The following CFAP47 variants were observed in gnomAD, a reference collection of about 807,000 sequenced individuals.
CFAP47 encodes cilia and flagella associated protein 47.
CFAP47 carries 29 observed loss-of-function variants against 148.1 expected under a neutral mutation model. The ratio of observed to expected loss-of-function variants is 0.20; its 90% CI spans 0.15 to 0.27. CFAP47 has a LOEUF of 0.27. Ranked by LOEUF, CFAP47 falls within the 10% of genes least tolerant of loss-of-function variation. CFAP47 has a pLI of 1.00. For synonymous variants in CFAP47, 664 were observed against 577.3 expected (o/e 1.15, Z -2.15); for missense variants, 1,872 against 1,697.5 (o/e 1.10, Z -1.81).
At chrX:36,086,099 A>C (rs1409400519) in intron 30 of CFAP47, among the ~76,000 whole-genome samples, 1 of 112,100 alleles carries the variant, frequency 8.9e-6, no homozygotes, top group East Asian at 2.8e-4. Flanking sequence ...AAATTAAAAT[A>C]GTAGGAAGGC....
At chrX:36,299,995 T>C (rs1941282670) in intron 52 of CFAP47, among the ~76,000 whole-genome samples, 1 of 111,858 alleles carries the variant, frequency 8.9e-6, no homozygotes, top group Non-Finnish European at 1.9e-5. Flanking sequence ...TATGGGCTGG[T>C]CTTTTTGCCC....
intron 46 of CFAP47, 69 bp from the exon 47 acceptor site, chrX:36,235,865 G>T: frequency 2.5e-6 from 1 of 399,235 alleles, no homozygotes; most frequent in Non-Finnish European, 4.4e-6. Context: ...AAATTACCAA[G>T]AATTCATATG....
At chrX:36,156,128 T>C (rs1051802232) in intron 37 of CFAP47, among the ~76,000 whole-genome samples, 1 of 111,116 alleles carries the variant, frequency 9.0e-6, no homozygotes, top group African/African-American at 3.3e-5. Context: ...TAGGTAGCTG[T>C]TATTTTAGGT....
intron 40 of CFAP47, among the ~76,000 whole-genome samples, chrX:36,179,641 C>T (rs1373673844): frequency 9.0e-6 from 1 of 111,452 alleles, no homozygotes; most frequent in Non-Finnish European, 1.9e-5. Flanking sequence ...AGTAGATTTT[C>T]ATTATTTGTG....
At chrX:36,107,326 A>T (rs1029767067) in intron 33 of CFAP47, among the ~76,000 whole-genome samples, 1 of 112,283 alleles carries the variant, frequency 8.9e-6, no homozygotes, top group Non-Finnish European at 1.9e-5. Flanking sequence ...TGTTTTAGGT[A>T]ATCATTGATC....
chrX:36,234,665 C>T (rs1940427519), intron 46 of CFAP47, among the ~76,000 whole-genome samples: 5 of 112,149 alleles, frequency 4.5e-5, no homozygotes, highest in Admixed American at 9.4e-5. Context: ...TGAGGAGCTG[C>T]GTTCCTTTGG....
At chrX:36,153,407 A>G (rs1414585591) in intron 37 of CFAP47, among the ~76,000 whole-genome samples, 1 of 112,154 alleles carries the variant, frequency 8.9e-6, no homozygotes, top group Non-Finnish European at 1.9e-5. Flanking sequence ...AGTGCCTGCC[A>G]CAGCTCTGTG....
At chrX:36,164,413 G>A (rs1264732257) in intron 39 of CFAP47, among the ~76,000 whole-genome samples, 2 of 111,325 alleles carry the variant, frequency 1.8e-5, no homozygotes, top group Non-Finnish European at 1.9e-5. Context: ...CATATAAAAT[G>A]TCTCTATCTA....
At chrX:36,289,546 G>A (rs937465963) in intron 51 of CFAP47, among the ~76,000 whole-genome samples, 2 of 111,120 alleles carry the variant, frequency 1.8e-5, no homozygotes, top group Admixed American at 9.6e-5. Context: ...AGGCTATTTT[G>A]ATTAATGTTG....
intron 33 of CFAP47, among the ~76,000 whole-genome samples, chrX:36,134,238 T>C (rs1466680468): frequency 2.7e-5 from 3 of 111,415 alleles, no homozygotes; most frequent in Admixed American, 9.6e-5. Context: ...GGCTATCAAA[T>C]TGATCTCTAG....
At chrX:35,981,784 C>A (rs1936648436) in intron 15 of CFAP47, among the ~76,000 whole-genome samples, 1 of 111,848 alleles carries the variant, frequency 8.9e-6, no homozygotes, top group African/African-American at 3.3e-5. Context: ...TATTGATTTT[C>A]TGTTTCTGCA....
At chrX:36,054,157 G>A (rs1334828666) in intron 26 of CFAP47, among the ~76,000 whole-genome samples, 2 of 111,831 alleles carry the variant, frequency 1.8e-5, no homozygotes, top group African/African-American at 3.3e-5. Flanking sequence ...TGCAGTCAAC[G>A]GCTACCTTAG....
intron 60 of CFAP47, among the ~76,000 whole-genome samples, chrX:36,354,517 T>TA (rs1373230493): frequency 6.4e-5 from 7 of 109,150 alleles, no homozygotes; most frequent in Admixed American, 3.0e-4. Context: ...CTATCTCAAT[T>TA]AAAAAACATC....
At chrX:36,261,349 G>C (rs1416807201) in intron 49 of CFAP47, among the ~76,000 whole-genome samples, 1 of 26,298 alleles carries the variant, frequency 3.8e-5, no homozygotes, top group Non-Finnish European at 6.1e-5. Context: ...TTTTTTCATT[G>C]ATCATTCTTG....
chrX:36,184,497 A>G (rs1939784362), intron 40 of CFAP47, among the ~76,000 whole-genome samples: 1 of 112,129 alleles, frequency 8.9e-6, no homozygotes. Flanking sequence ...GTTTTATTGT[A>G]GACTGTATGC....
intron 29 of CFAP47, among the ~76,000 whole-genome samples, chrX:36,076,178 C>CTT (rs199694179): frequency 1.0e-5 from 1 of 98,267 alleles, no homozygotes; most frequent in Non-Finnish European, 2.1e-5. Context: ...TCTTTTTTTT[C>CTT]TTTTTTTTTT....
rs756236733 is a variant in CFAP47, at chrX:36,039,133, A to G, written c.3961A>G (p.Ile1321Val). 21 of 1,099,070 alleles carry G rather than the reference A, an allele frequency of 1.9e-5. No individual in the cohort carries two copies. The African/African-American group carries it at 3.7e-4, about 19-fold the overall frequency. 90.6% of individuals were successfully genotyped at this position (1,099,070 alleles called of 1,213,427 possible). The change falls in exon 25 of 64, where the codon ATA becomes GTA. Residue 1321 changes from isoleucine (I) to valine (V), a missense_variant. Transcript: ENST00000378653. ...ATTTTTCACTCCTGTTCCTTTGGAT[A>G]TAACAACTGTAATGGATATCAACAT... ...FIFFTPVPLDITTVMDINILP... is the reference protein window; with the variant it reads ...FIFFTPVPLDVTTVMDINILP...
intron 15 of CFAP47, among the ~76,000 whole-genome samples, chrX:35,986,330 G>T (rs370126014): frequency 9.2e-6 from 1 of 108,773 alleles, no homozygotes; most frequent in Non-Finnish European, 1.9e-5. Context: ...CTCTAATCTT[G>T]TGTTCGTACT....
At chrX:35,980,358 C>T (rs1936625939) in intron 15 of CFAP47, among the ~76,000 whole-genome samples, 1 of 111,823 alleles carries the variant, frequency 8.9e-6, no homozygotes. Flanking sequence ...AATTCTTTCA[C>T]TGCTTTCAAC....
Sources: gnomAD v4.1 joint callset for allele counts (sites outside exome capture counted in the v4.1 genomes callset) on GRCh38, gnomAD v4.1.1 for gene constraint, MANE v1.5 for transcripts, NCBI Gene and HGNC (gene_info 2026-07-23, HGNC 2026-07-21) for gene names.